Variants in ADGRG6 observed in about 807,000 individuals in gnomAD.
ADGRG6 encodes G-protein coupled receptor 126.
In ADGRG6, 84 loss-of-function variants were observed where a neutral mutation model predicts 142.4. The observed-to-expected ratio is 0.59, with a 90% confidence interval of 0.49 to 0.71. The LOEUF is 0.71. Among genes scored for constraint, ADGRG6 ranks in the 30% least tolerant of loss-of-function variants. The pLI is 0.00. For missense variants in ADGRG6, 1,367 were observed against 1,466.6 expected, an observed-to-expected ratio of 0.93 and a Z score of 1.11; for synonymous variants, 521 against 520.5, an observed-to-expected ratio of 1.00 and a Z score of -0.01.
At chr6:142,320,274 A>C (rs1582975754) in intron 2 of ADGRG6, among the ~76,000 whole-genome samples, 1 of 152,098 alleles carries the variant, frequency 6.6e-6, no homozygotes, top group Admixed American at 6.6e-5. Flanking sequence ...TCAGGCTAAA[A>C]ATAAAGTATT....
chr6:142,419,953 C>A lies in ADGRG6; in HGVS notation c.3168C>A (p.Asn1056Lys), dbSNP rs760542668. Residue 1056 changes from asparagine to lysine, a missense_variant, in exon 22 of 25, where the codon AAC (asparagine) becomes AAA (lysine). Transcript: ENST00000367609. ...QICGRNGKRS[N>K]RTLREEVLRN... ...GTGGGAGGAATGGCAAGAGAAGCAACCGGACCCTGAGAGAAGAAGTGTTAA... is the reference window on the plus strand; with the variant it reads ...GTGGGAGGAATGGCAAGAGAAGCAAACGGACCCTGAGAGAAGAAGTGTTAA... The A allele has an allele frequency of 6.2e-7, 1 of 1,613,448 alleles. No homozygotes were observed. Among genetic ancestry groups the A allele is most frequent in the South Asian group, 1.1e-5 (1 of 91,080 alleles).
At chr6:142,359,031 T>TC (rs1160778473) in intron 2 of ADGRG6, among the ~76,000 whole-genome samples, 2 of 143,552 alleles carry the variant, frequency 1.4e-5, no homozygotes, top group African/African-American at 2.6e-5. Flanking sequence ...CATTATGAGA[T>TC]CCCCTCTACA....
intron 23 of ADGRG6, 53 bp downstream of exon 23, chr6:142,437,588 C>A: frequency 3.4e-6 from 3 of 875,190 alleles, no homozygotes; most frequent in South Asian, 1.3e-5. Flanking sequence ...GAAAGTTTGT[C>A]ATTCAGTCTT....
At position 142,443,366 on chromosome 6, in the gene ADGRG6, A is replaced by C. The variant is rs1051993848; in HGVS notation, c.3604A>C (p.Lys1202Gln). The part of the protein sequence containing the change: ...DSASMDKSLS[K>Q]LAHADGDQTS... ...TGCTTCCATGGACAAGTCCTTGTCA[A>C]AACTGGCCCATGCTGATGGAGATCA... is the stretch of plus-strand genomic sequence containing the variant. Residue 1202 changes from lysine (K) to glutamine (Q), a missense_variant, in exon 25 of 25, where the codon AAA becomes CAA. Physicochemically the swap from Lys to Gln is moderately conservative, Grantham distance 53. Transcript: ENST00000367609. 6.2e-7 allele frequency: 1 copy of C among 1,612,362 alleles called. No homozygotes were observed.
intron 22 of ADGRG6, among the ~76,000 whole-genome samples, chr6:142,423,002 T>C (rs1776738067): frequency 6.6e-6 from 1 of 152,094 alleles, no homozygotes; most frequent in Admixed American, 6.5e-5. Flanking sequence ...GCCCAGTTTT[T>C]GATGGGGTTG....
At chr6:142,332,781 C>G (rs763745377) in intron 2 of ADGRG6, among the ~76,000 whole-genome samples, 1 of 152,148 alleles carries the variant, frequency 6.6e-6, no homozygotes, top group African/African-American at 2.4e-5. Flanking sequence ...CGGCCTTCAT[C>G]CTCCCAAGCA....
intron 2 of ADGRG6, among the ~76,000 whole-genome samples, chr6:142,334,772 G>A (rs1779232076): frequency 6.6e-6 from 1 of 152,134 alleles, no homozygotes; most frequent in African/African-American, 2.4e-5. Context: ...TTCATACTCA[G>A]TTTTACTGTG....
At chr6:142,326,795 G>A (rs1296471490) in intron 2 of ADGRG6, among the ~76,000 whole-genome samples, 1 of 152,092 alleles carries the variant, frequency 6.6e-6, no homozygotes, top group African/African-American at 2.4e-5. Flanking sequence ...TTAAGGGTGT[G>A]TGTATGTGTG....
At chr6:142,324,530 A>G (rs1239852529) in intron 2 of ADGRG6, among the ~76,000 whole-genome samples, 2 of 152,136 alleles carry the variant, frequency 1.3e-5, no homozygotes, top group African/African-American at 2.4e-5. Flanking sequence ...GTGCTTTGCC[A>G]TCTCATGATC....
chr6:142,315,869 A>C (rs978006203), intron 2 of ADGRG6, among the ~76,000 whole-genome samples: 2 of 139,648 alleles, frequency 1.4e-5, no homozygotes, highest in African/African-American at 2.8e-5. Flanking sequence ...ATAAATAAAT[A>C]AAGCAAGGTT....
At chr6:142,383,722 T>C (rs964734929) in intron 5 of ADGRG6, 38 bp from the exon 6 acceptor site, 1 of 979,878 alleles carries the variant, frequency 1.0e-6, no homozygotes, top group South Asian at 1.3e-5. Context: ...TGTCATGTGC[T>C]CTTTGCAAAA....
At position 142,302,158 on chromosome 6, in the gene ADGRG6, TG is replaced by T; in HGVS notation, c.-171del. On this transcript the variant is annotated 5_prime_UTR_variant, in exon 1 of 25. Transcript: ENST00000367609. ...ACGCTGCCGCGCCCAGGGTTCACCT[TG>T]CGCCGTCGGGAAAGCCCATGAACTC... is the stretch of plus-strand genomic sequence containing the variant. The T allele has an allele frequency of 3.0e-6, 2 of 659,790 alleles. No homozygotes were observed. The highest frequency in any genetic ancestry group is 5.9e-5 in the East Asian group (2 of 33,798). 40.9% of individuals were successfully genotyped at this position (659,790 alleles called of 1,614,324 possible).
chr6:142,441,025 G>A, intron 24 of ADGRG6: 1 of 696,884 alleles, frequency 1.4e-6, no homozygotes, highest in Non-Finnish European at 2.3e-6. Context: ...CATGGATTAA[G>A]CTAAGATTCT....
In ADGRG6 at chr6:142,382,891, A is replaced by T. The variant is rs183687441; in HGVS notation, c.1139-869A>T. On this transcript the variant is annotated intron_variant, in intron 5 of 24. Coordinates refer to ENST00000367609, the MANE Select transcript of ADGRG6 (RefSeq NM_198569.3). ...TGTGGTTCCAGTGTGAGAGTAGGGC[A>T]GGCAGGAGGTGGGGTGGGGTAACTC... Among the ~76,000 whole-genome samples the T allele has an allele frequency of 1.1e-3, 165 of 152,274 alleles. 2 individuals are homozygous for T. The highest frequency in any genetic ancestry group is 3.8e-3 in the African/African-American group (157 of 41,592).
intron 22 of ADGRG6, among the ~76,000 whole-genome samples, chr6:142,434,048 G>A (rs1188588836): frequency 2.0e-5 from 3 of 151,142 alleles, no homozygotes; most frequent in Admixed American, 2.0e-4. Context: ...GCAAGAATCT[G>A]TCTCTTAAAA....
chr6:142,336,862 A>C (rs2114694140), intron 2 of ADGRG6, among the ~76,000 whole-genome samples: 1 of 152,328 alleles, frequency 6.6e-6, no homozygotes, highest in East Asian at 1.9e-4. Context: ...CCCTGGGGCA[A>C]TCTGTTTTCG....
intron 2 of ADGRG6, among the ~76,000 whole-genome samples, chr6:142,341,549 A>ATG (rs1779642026): frequency 8.4e-6 from 1 of 119,382 alleles, no homozygotes; most frequent in Non-Finnish European, 1.6e-5. Context: ...TATATAATAT[A>ATG]TAGTATATAT....
chr6:142,374,001 C>T (rs978996016), intron 4 of ADGRG6, among the ~76,000 whole-genome samples: 2 of 150,732 alleles, frequency 1.3e-5, no homozygotes, highest in African/African-American at 2.4e-5. Context: ...GGACTAAGCT[C>T]CCTTGTTCTT....
intron 16 of ADGRG6, 84 bp from the exon 17 acceptor site, chr6:142,409,790 C>A: frequency 1.6e-6 from 1 of 614,902 alleles, no homozygotes; most frequent in Non-Finnish European, 2.8e-6. Flanking sequence ...CTTTGTGAAA[C>A]CCTTCGTGTT....
Sources: allele counts gnomAD v4.1 joint callset (sites outside exome capture counted in the v4.1 genomes callset), GRCh38; gene constraint gnomAD v4.1.1; transcripts MANE v1.5; gene names NCBI Gene and HGNC (gene_info 2026-07-23, HGNC 2026-07-21).